The following PTPRQ variants were observed in gnomAD, a reference collection of about 807,000 sequenced individuals.
PTPRQ encodes the protein protein tyrosine phosphatase receptor type Q, also known as phosphatidylinositol phosphatase PTPRQ.
A neutral mutation model predicts 246.0 loss-of-function variants in PTPRQ; 199 were observed. The ratio of observed to expected loss-of-function variants is 0.81; its 90% CI spans 0.72 to 0.91. The LOEUF is 0.91. Ranked by LOEUF, PTPRQ falls within the 40% of genes least tolerant of loss-of-function variation. The pLI is 0.00. For missense variants in PTPRQ, 2,624 were observed against 2,528.4 expected, an observed-to-expected ratio of 1.04 and a Z score of -0.81; for synonymous variants, 869 against 853.2, an observed-to-expected ratio of 1.02 and a Z score of -0.32.
intron 26 of PTPRQ, among the ~76,000 whole-genome samples, chr12:80,597,263 C>T (rs1056185624): frequency 6.6e-6 from 1 of 151,924 alleles, no homozygotes; most frequent in Admixed American, 6.6e-5. Context: ...AAGAAAATAG[C>T]AAGATTTATC....
intron 35 of PTPRQ, among the ~76,000 whole-genome samples, chr12:80,642,175 C>T (rs1028616152): frequency 1.3e-5 from 2 of 152,146 alleles, no homozygotes; most frequent in African/African-American, 4.8e-5. Context: ...CTGTCTTGTT[C>T]CAAATCCAGT....
chr12:80,493,420 C>T lies in PTPRQ; in HGVS notation c.1505C>T (p.Ala502Val), dbSNP rs1245042449. 1 of 1,549,840 alleles carries T rather than the reference C, an allele frequency of 6.5e-7. No homozygotes were observed. The highest frequency in any genetic ancestry group is 1.2e-5 in the South Asian group (1 of 83,966). ...YNSHPDKNFP[A>V]RNRAEDQTSP... ...AGCCATCCAGATAAAAACTTTCCTG[C>T]AAGGAATAGAGCTGAAGACCAGACT... The change falls in exon 10 of 45, where the codon GCA becomes GTA. Residue 502 changes from alanine (A) to valine (V), a missense_variant. By Grantham distance (64) the Ala-to-Val change is moderately conservative. Transcript: ENST00000644991.
chr12:80,559,828 C>T (rs1896771837), intron 25 of PTPRQ, among the ~76,000 whole-genome samples: 2 of 152,028 alleles, frequency 1.3e-5, no homozygotes, highest in African/African-American at 2.4e-5. Context: ...TCTTCCCTCC[C>T]CTCCCCTCTC....
At position 80,475,895 on chromosome 12, in the gene PTPRQ, A is replaced by G. The variant is rs376353167; in HGVS notation, c.1186+3644A>G. On this transcript the variant is annotated intron_variant, in intron 8 of 44. Coordinates refer to ENST00000644991, the MANE Select transcript of PTPRQ (RefSeq NM_001145026.2). ...CTTGGTTTCACTAGCAAAATAAGAG[A>G]CAGTAAAATATATATAGTTTTCTGC... is the stretch of plus-strand genomic sequence containing the variant. Among the ~76,000 whole-genome samples, 76 of 152,226 alleles carry G rather than the reference A, an allele frequency of 5.0e-4. 1 individual carries two copies. In the South Asian group the frequency reaches 0.016, roughly 31 times the overall value.
chr12:80,562,782 T>C (rs1195739032), intron 25 of PTPRQ, among the ~76,000 whole-genome samples: 1 of 151,526 alleles, frequency 6.6e-6, no homozygotes, highest in Non-Finnish European at 1.5e-5. Flanking sequence ...AATGCAGAAA[T>C]CAATGAAATT....
intron 26 of PTPRQ, among the ~76,000 whole-genome samples, chr12:80,593,910 A>G (rs1461884477): frequency 6.6e-6 from 1 of 152,034 alleles, no homozygotes; most frequent in East Asian, 1.9e-4. Context: ...TCTCCTATAG[A>G]CCACCAAGAC....
intron 17 of PTPRQ, among the ~76,000 whole-genome samples, chr12:80,516,712 C>T (rs182099120): frequency 3.9e-5 from 6 of 152,250 alleles, no homozygotes; most frequent in African/African-American, 1.4e-4. Flanking sequence ...AAGATTTTCA[C>T]CGTGTTAAAA....
intron 25 of PTPRQ, among the ~76,000 whole-genome samples, chr12:80,563,344 C>G (rs916950516): frequency 3.9e-5 from 6 of 151,906 alleles, no homozygotes; most frequent in Admixed American, 6.6e-5. Flanking sequence ...TAATCCCACT[C>G]GTGATTACTG....
intron 25 of PTPRQ, among the ~76,000 whole-genome samples, chr12:80,586,226 G>T (rs1262010028): frequency 6.6e-6 from 1 of 151,912 alleles, no homozygotes; most frequent in Non-Finnish European, 1.5e-5. Context: ...CCATCAAAAA[G>T]TGGGCGAAGG....
At chr12:80,568,683 A>C (rs1476527543) in intron 25 of PTPRQ, among the ~76,000 whole-genome samples, 2 of 152,182 alleles carry the variant, frequency 1.3e-5, no homozygotes, top group Admixed American at 1.3e-4. Context: ...CATCTTTGTT[A>C]GCCAATATGT....
intron 42 of PTPRQ, 143 bp from the exon 43 acceptor site, chr12:80,673,026 C>T (rs1901022904): frequency 2.4e-6 from 3 of 1,245,144 alleles, no homozygotes; most frequent in East Asian, 2.8e-5. Flanking sequence ...ATAAAAAATC[C>T]AAAGACACTC....
intron 39 of PTPRQ, among the ~76,000 whole-genome samples, chr12:80,665,140 A>G (rs1293246881): frequency 6.6e-6 from 1 of 151,996 alleles, no homozygotes; most frequent in Non-Finnish European, 1.5e-5. Context: ...GTCTATGACC[A>G]AAGGGCCATG....
At chr12:80,672,715 TGAAAAG>T (rs371564544) in intron 42 of PTPRQ, among the ~76,000 whole-genome samples, 192 of 152,118 alleles carry the variant, frequency 1.3e-3, no homozygotes, top group Non-Finnish European at 2.1e-3. Context: ...AGAAAGAAAG[TGAAAAG>T]GACAATTGCA....
In PTPRQ at chr12:80,657,795, A is replaced by G. The variant is rs55725742; in HGVS notation, c.6116-190A>G. Among the ~76,000 whole-genome samples the G allele has an allele frequency of 9.6e-3, 1,467 of 152,034 alleles. 11 individuals carry two copies. Among genetic ancestry groups the G allele is most frequent in the Non-Finnish European group, 0.014 (944 of 67,838 alleles). On this transcript the variant is annotated intron_variant, in intron 38 of 44. Coordinates refer to ENST00000644991, the MANE Select transcript of PTPRQ (RefSeq NM_001145026.2). Reference sequence around the variant, plus strand: ...TGTATAGAAAATTCTGGAAATATATACAAGGACATATTAATAGTCATTGTC... The same window carrying G: ...TGTATAGAAAATTCTGGAAATATATGCAAGGACATATTAATAGTCATTGTC...
chr12:80,448,381 A>T (rs10047552), intron 3 of PTPRQ, among the ~76,000 whole-genome samples: 14,657 of 152,016 alleles, frequency 0.096, 1,508 homozygotes, highest in African/African-American at 0.25. Flanking sequence ...ATGCCTTTTT[A>T]AAATTATTGT....
At chr12:80,553,432 A>C (rs4143624) in intron 25 of PTPRQ, among the ~76,000 whole-genome samples, 148,103 of 152,100 alleles carry the variant, frequency 0.97, 72,300 homozygotes, top group African/African-American at 0.99. Flanking sequence ...AGATTGGAAA[A>C]AATTTTACAG....
chr12:80,479,519 C>T (rs1328640745), intron 8 of PTPRQ, among the ~76,000 whole-genome samples: 4 of 147,640 alleles, frequency 2.7e-5, no homozygotes, highest in African/African-American at 1.0e-4. Context: ...CAAATTCACA[C>T]ATAACAATAT....
At chr12:80,491,152 G>T (rs1022059776) in intron 9 of PTPRQ, among the ~76,000 whole-genome samples, 1 of 151,848 alleles carries the variant, frequency 6.6e-6, no homozygotes, top group African/African-American at 2.4e-5. Context: ...GTAATTGATG[G>T]GATGTTATGC....
intron 3 of PTPRQ, among the ~76,000 whole-genome samples, chr12:80,452,693 C>G (rs1892809056): frequency 6.6e-6 from 1 of 152,082 alleles, no homozygotes; most frequent in Non-Finnish European, 1.5e-5. Flanking sequence ...GAATATTGGC[C>G]CCCACTCTCT....
Sources: gnomAD v4.1 joint callset for allele counts (sites outside exome capture counted in the v4.1 genomes callset) on GRCh38, gnomAD v4.1.1 for gene constraint, MANE v1.5 for transcripts, NCBI Gene and HGNC (gene_info 2026-07-23, HGNC 2026-07-21) for gene names.